EMB: variants seen among roughly 807,000 people sequenced by gnomAD.
The protein encoded by EMB is embigin.
In EMB, 31 loss-of-function variants were observed where a neutral mutation model predicts 41.4. That is an observed-to-expected ratio of 0.75 (90% CI 0.56 to 1.01). The LOEUF (loss-of-function observed/expected upper bound fraction) is 1.01. Among genes scored for constraint, EMB ranks in the 50% least tolerant of loss-of-function variants. The pLI, the probability that EMB is intolerant of heterozygous loss-of-function variation, is 0.00. For missense variants in EMB, 379 were observed against 388.3 expected (o/e 0.98, Z 0.20); for synonymous variants, 137 against 140.4 (o/e 0.98, Z 0.17).
chr5:50,399,035 T>G lies in EMB; in HGVS notation c.*238A>C. 1 of 387,108 alleles carries G rather than the reference T, an allele frequency of 2.6e-6. No individual in the cohort carries two copies. The allele number at this position is 387,108 out of a possible 1,614,324, so 24.0% of individuals were successfully genotyped here. On this transcript the variant is annotated 3_prime_UTR_variant, in exon 9 of 9. Transcript: ENST00000303221. ...TTTGAAGACCAGAATATAATTAATT[T>G]TATTCTGGTCTAACATATTTATTCT...
At chr5:50,429,968 T>TC (rs1745686572) in intron 1 of EMB, among the ~76,000 whole-genome samples, 15 of 62,064 alleles carry the variant, frequency 2.4e-4, no homozygotes, top group African/African-American at 5.7e-4. Flanking sequence ...CCAACTCTCT[T>TC]TCTCTCTCTC....
chr5:50,428,935 G>A (rs1745668159), intron 1 of EMB, among the ~76,000 whole-genome samples: 1 of 151,252 alleles, frequency 6.6e-6, no homozygotes, highest in Non-Finnish European at 1.5e-5. Context: ...TCACTCAGTT[G>A]CCCAGGCTGG....
chr5:50,436,843 G>A (rs62365904), intron 1 of EMB, among the ~76,000 whole-genome samples: 4,071 of 152,284 alleles, frequency 0.027, 84 homozygotes, highest in East Asian at 0.081. Context: ...GAGGTAGGAG[G>A]GAAGGGAACG....
At chr5:50,399,344 A>G in intron 8 of EMB, 54 bp from the exon 9 acceptor site, 1 of 1,597,788 alleles carries the variant, frequency 6.3e-7, no homozygotes. Context: ...GTTATTTTAT[A>G]GTAACTTACT....
chr5:50,438,102 C>T (rs1481455761), intron 1 of EMB, among the ~76,000 whole-genome samples: 1 of 152,076 alleles, frequency 6.6e-6, no homozygotes, highest in Non-Finnish European at 1.5e-5. Context: ...ATAGACATTT[C>T]CAATTAGCTC....
In EMB at chr5:50,398,469, A is replaced by G. The variant is rs2111754891; in HGVS notation, c.*804T>C. The G allele has an allele frequency of 6.6e-6, 1 of 152,082 alleles. No individual in the cohort carries two copies. The highest frequency in any genetic ancestry group is 1.9e-4 in the East Asian group (1 of 5,160). 9.4% of individuals were successfully genotyped at this position (152,082 alleles called of 1,614,324 possible). Reference sequence around the variant, plus strand: ...AAGAACCAGGAAACCATGAGCCACAAAAGCATCAGTGTAGCAGTGTTTTAA... The same window carrying G: ...AAGAACCAGGAAACCATGAGCCACAGAAGCATCAGTGTAGCAGTGTTTTAA... On this transcript the variant is annotated 3_prime_UTR_variant, in exon 9 of 9. Coordinates refer to ENST00000303221, the MANE Select transcript of EMB (RefSeq NM_198449.3).
chr5:50,408,003 A>T (rs1314264147), intron 4 of EMB, among the ~76,000 whole-genome samples: 1 of 152,034 alleles, frequency 6.6e-6, no homozygotes, highest in Non-Finnish European at 1.5e-5. Flanking sequence ...TTAGGAAAAA[A>T]GATTACTCCA....
At chr5:50,437,237 C>T (rs1211287164) in intron 1 of EMB, among the ~76,000 whole-genome samples, 1 of 152,006 alleles carries the variant, frequency 6.6e-6, no homozygotes, top group African/African-American at 2.4e-5. Flanking sequence ...TGCCTCGGTA[C>T]TCCAGCCTGA....
intron 1 of EMB, chr5:50,428,640 T>G: frequency 1.0e-6 from 1 of 984,534 alleles, no homozygotes. Context: ...ATAAAGAGAA[T>G]TAAAAAAAAA....
At chr5:50,423,401 T>C (rs1038116568) in intron 2 of EMB, among the ~76,000 whole-genome samples, 2 of 152,138 alleles carry the variant, frequency 1.3e-5, no homozygotes, top group African/African-American at 2.4e-5. Flanking sequence ...CCTCCTGAAG[T>C]TCTATTTGGA....
chr5:50,428,786 T>A, intron 1 of EMB: 1 of 972,074 alleles, frequency 1.0e-6, no homozygotes, highest in Non-Finnish European at 1.2e-6. Context: ...CCTCTGCCTC[T>A]GTCACTTCTC....
chr5:50,426,783 A>T (rs945608702), intron 2 of EMB, among the ~76,000 whole-genome samples: 1 of 152,142 alleles, frequency 6.6e-6, no homozygotes, highest in African/African-American at 2.4e-5. Context: ...TAGGTTAAAA[A>T]TCTTAACAGC....
chr5:50,406,847 T>C (rs1342257553), intron 4 of EMB, among the ~76,000 whole-genome samples: 2 of 151,996 alleles, frequency 1.3e-5, no homozygotes, highest in African/African-American at 4.8e-5. Flanking sequence ...TGAAATCATG[T>C]CAACTAAAGA....
Position 50,410,955 on chromosome 5 carries a change from T to C in EMB, c.394A>G (p.Ile132Val), listed in dbSNP as rs1288229600. ...TLYTQYRFTI[I>V]NSKQMGSYSC... ...TAACTTCCCATTTGTTTGCTATTAATGATGGTGAACCTAAAGATAATTCAA... is the reference window on the plus strand; with the variant it reads ...TAACTTCCCATTTGTTTGCTATTAACGATGGTGAACCTAAAGATAATTCAA... Residue 132 changes from isoleucine to valine, a missense_variant, in exon 4 of 9, where the codon ATT becomes GTT. By Grantham distance (29) the Ile-to-Val change is conservative. Coordinates refer to ENST00000303221, the MANE Select transcript of EMB (RefSeq NM_198449.3). 5 of 1,603,158 alleles carry C rather than the reference T, an allele frequency of 3.1e-6. No homozygotes were observed. The highest frequency in any genetic ancestry group is 4.3e-6 in the Non-Finnish European group (5 of 1,175,464).
chr5:50,432,941 G>A (rs1745745190), intron 1 of EMB, among the ~76,000 whole-genome samples: 1 of 151,898 alleles, frequency 6.6e-6, no homozygotes, highest in African/African-American at 2.4e-5. Context: ...AGCCAGGCAT[G>A]GTGGCATGCA....
At chr5:50,440,783 C>T (rs1302169568) in intron 1 of EMB, among the ~76,000 whole-genome samples, 1 of 152,136 alleles carries the variant, frequency 6.6e-6, no homozygotes, top group Non-Finnish European at 1.5e-5. Context: ...ACGCGCCCGA[C>T]TCGCGGGGCG....
intron 7 of EMB, 99 bp downstream of exon 7, chr5:50,402,187 C>T (rs1188387306): frequency 6.3e-6 from 8 of 1,276,104 alleles, no homozygotes; most frequent in African/African-American, 1.5e-5. Flanking sequence ...GAAAATACTC[C>T]TCTGCCTTTT....
intron 2 of EMB, among the ~76,000 whole-genome samples, chr5:50,417,662 A>G (rs886924499): frequency 6.6e-6 from 1 of 152,218 alleles, no homozygotes; most frequent in African/African-American, 2.4e-5. Context: ...ACTTTTTTAT[A>G]TGTATATAAA....
intron 1 of EMB, among the ~76,000 whole-genome samples, chr5:50,440,067 TAAAC>T (rs765385877): frequency 3.9e-5 from 6 of 152,164 alleles, no homozygotes; most frequent in East Asian, 1.9e-4. Context: ...CAAAGTGTCT[TAAAC>T]AATAAAACAA....
Sources: gnomAD v4.1 joint callset for allele counts (sites outside exome capture counted in the v4.1 genomes callset) on GRCh38, gnomAD v4.1.1 for gene constraint, MANE v1.5 for transcripts, NCBI Gene and HGNC (gene_info 2026-07-23, HGNC 2026-07-21) for gene names.